NRAP: variants seen among roughly 807,000 people sequenced by gnomAD.
The protein encoded by NRAP is nebulin related anchoring protein, also known as nebulin-related-anchoring protein.
NRAP carries 189 observed loss-of-function variants against 225.9 expected under a neutral mutation model. The observed-to-expected ratio is 0.84, with a 90% CI of 0.74 to 0.94. The LOEUF (loss-of-function observed/expected upper bound fraction) is 0.94, where lower values mean the gene tolerates loss of function less well. Ranked by LOEUF, NRAP falls within the 40% of genes least tolerant of loss-of-function variation. The probability of loss-of-function intolerance (pLI) is 0.00; values close to 1 mark genes in which losing one functional copy is unlikely to be tolerated. For missense variants in NRAP, 2,176 were observed against 2,168.7 expected, an observed-to-expected ratio of 1.00 and a Z score of -0.07; for synonymous variants, 769 against 790.7, an observed-to-expected ratio of 0.97 and a Z score of 0.46.
chr10:113,632,019 G>A (rs936694960), intron 16 of NRAP, 55 bp from the exon 17 acceptor site: 23 of 1,128,936 alleles, frequency 2.0e-5, no homozygotes, highest in African/African-American at 3.1e-5. Flanking sequence ...CCTGCCAAAC[G>A]TCAAAGATTT....
At chr10:113,629,465 T>A in intron 19 of NRAP, 123 bp downstream of exon 19, 1 of 699,778 alleles carries the variant, frequency 1.4e-6, no homozygotes, top group Non-Finnish European at 2.4e-6. Context: ...CCTGGTACAT[T>A]TCCTGCAGTT....
At position 113,663,911 on chromosome 10, in the gene NRAP, T is replaced by C. The variant is rs771434211; in HGVS notation, c.-29A>G. 6.4e-7 allele frequency: 1 copy of C among 1,569,706 alleles called. No homozygotes were observed. The highest frequency in any genetic ancestry group is 1.7e-5 in the Admixed American group (1 of 59,940). ...GAAGCCGGAAGAGAGAGGACAAAGA[T>C]AGGCAACAGGCAAGAAATGCAAGGA... is the stretch of plus-strand genomic sequence containing the variant. On this transcript the variant is annotated 5_prime_UTR_variant, in exon 1 of 42. Coordinates refer to ENST00000359988, the MANE Select transcript of NRAP (RefSeq NM_198060.4).
chr10:113,633,758 T>G (rs1036359702), intron 15 of NRAP, among the ~76,000 whole-genome samples: 8 of 152,188 alleles, frequency 5.3e-5, no homozygotes, highest in African/African-American at 1.7e-4. Context: ...CTTTTAGAGA[T>G]TCATACTGAA....
At chr10:113,628,865 A>C (rs369046103) in intron 20 of NRAP, 52 bp downstream of exon 20, 83 of 934,978 alleles carry the variant, frequency 8.9e-5, no homozygotes, top group Non-Finnish European at 1.2e-4. Flanking sequence ...ATCACCCTGC[A>C]TGTGTCAGGG....
intron 27 of NRAP, 108 bp from the exon 28 acceptor site, chr10:113,615,054 C>A: frequency 1.4e-6 from 1 of 700,444 alleles, no homozygotes; most frequent in East Asian, 2.7e-5. Flanking sequence ...CCTCCCTCCC[C>A]TGGCCAGTTG....
chr10:113,619,846 CT>C (rs1204381732), intron 25 of NRAP, among the ~76,000 whole-genome samples: 1 of 152,152 alleles, frequency 6.6e-6, no homozygotes. Flanking sequence ...GAGCCTTGTC[CT>C]GTGCCTCTCC....
At chr10:113,652,888 G>T in intron 6 of NRAP, 47 bp downstream of exon 6, 1 of 1,346,650 alleles carries the variant, frequency 7.4e-7, no homozygotes, top group Non-Finnish European at 1.1e-6. Context: ...GCTCATTAAT[G>T]ACAAAAATTA....
intron 12 of NRAP, among the ~76,000 whole-genome samples, chr10:113,642,028 A>T (rs567427783): frequency 1.3e-5 from 2 of 152,334 alleles, no homozygotes; most frequent in East Asian, 3.9e-4. Flanking sequence ...CCAAAACAGG[A>T]TGACAAGAGG....
At chr10:113,632,636 C>G (rs1292028689) in intron 16 of NRAP, among the ~76,000 whole-genome samples, 1 of 152,222 alleles carries the variant, frequency 6.6e-6, no homozygotes, top group Non-Finnish European at 1.5e-5. Context: ...CAGGATAGAA[C>G]AGGCATTTAA....
chr10:113,637,156 T>C (rs926819892), intron 14 of NRAP, among the ~76,000 whole-genome samples: 3 of 152,192 alleles, frequency 2.0e-5, no homozygotes, highest in African/African-American at 7.2e-5. Context: ...TAACACCAGC[T>C]CATCATAATT....
At position 113,620,717 on chromosome 10, in the gene NRAP, G is replaced by C; in HGVS notation, c.2770-9C>G. 6.4e-7 allele frequency: 1 copy of C among 1,574,316 alleles called. No individual in the cohort carries two copies. Among genetic ancestry groups the C allele is most frequent in the Non-Finnish European group, 8.7e-7 (1 of 1,155,968 alleles). On this transcript the variant is annotated splice_polypyrimidine_tract_variant and intron_variant, in intron 24 of 41. Coordinates refer to ENST00000359988, the MANE Select transcript of NRAP (RefSeq NM_198060.4). ...TCTGCCCTGTATTGGTTCTGACAAA[G>C]GAGAAAGAAAAAAAAAAAAAGCAGG...
Position 113,631,541 on chromosome 10 carries a change from G to A in NRAP, c.1810C>T (p.His604Tyr), listed in dbSNP as rs776270525. 1.2e-6 allele frequency: 2 copies of A among 1,612,204 alleles called. No individual in the cohort carries two copies. The highest frequency in any genetic ancestry group is 1.7e-6 in the Non-Finnish European group (2 of 1,178,744). ...CTCATCTTAGCAATCTGCAGGGAGTGCAGAAGCCTAGAGTCGGCTGTTCCC... is the reference window on the plus strand; with the variant it reads ...CTCATCTTAGCAATCTGCAGGGAGTACAGAAGCCTAGAGTCGGCTGTTCCC... Reference protein sequence around the residue: ...AMGTADSRLLHSLQIAKMSSE... With the variant: ...AMGTADSRLLYSLQIAKMSSE... Residue 604 changes from histidine to tyrosine, a missense_variant, in exon 18 of 42, where the codon CAC (histidine) becomes TAC (tyrosine). By Grantham distance (83) the His-to-Tyr change is moderately conservative (BLOSUM62 2). Coordinates refer to ENST00000359988, the MANE Select transcript of NRAP (RefSeq NM_198060.4).
intron 20 of NRAP, among the ~76,000 whole-genome samples, chr10:113,628,219 G>A (rs1310988212): frequency 6.6e-6 from 1 of 151,870 alleles, no homozygotes; most frequent in Non-Finnish European, 1.5e-5. Context: ...ACAGAGTATC[G>A]ATCTGTCGCC....
In NRAP at chr10:113,612,284, C is replaced by T. The variant is rs1847378729; in HGVS notation, c.3448G>A (p.Glu1150Lys). ...HPLPQYTSLA[E>K]DLRLSCAKKA... ...TTGGCACAGCTCAGCCTCAGGTCTT[C>T]TGCCAAGGAAGTGTACTGGGGCAGT... is the stretch of plus-strand genomic sequence containing the variant. The change falls in exon 30 of 42, where the codon GAA becomes AAA. Residue 1150 changes from glutamate to lysine, a missense_variant. Coordinates refer to ENST00000359988, the MANE Select transcript of NRAP (RefSeq NM_198060.4). The T allele has an allele frequency of 6.2e-7, 1 of 1,614,198 alleles. No individual in the cohort carries two copies. Among genetic ancestry groups the T allele is most frequent in the African/African-American group, 1.3e-5 (1 of 75,072 alleles).
rs562270261 is a variant in NRAP at position 113,635,925 on chromosome 10, A to G, written c.1429-1715T>C. On this transcript the variant is annotated intron_variant, in intron 14 of 41. Transcript: ENST00000359988. ...GAGCAAACTCAGACATTCCCTGCCCACATAGATATCTCAGATGGGTCCTCA... is the reference window on the plus strand; with the variant it reads ...GAGCAAACTCAGACATTCCCTGCCCGCATAGATATCTCAGATGGGTCCTCA... Among the ~76,000 whole-genome samples the G allele has an allele frequency of 2.0e-5, 3 of 152,288 alleles. No individual in the cohort carries two copies. In the South Asian group the frequency reaches 6.2e-4, roughly 32 times the overall value.
chr10:113,622,519 T>C (rs1592787406), intron 23 of NRAP, among the ~76,000 whole-genome samples: 1 of 152,202 alleles, frequency 6.6e-6, no homozygotes, highest in Admixed American at 6.5e-5. Context: ...CATACATATT[T>C]GGGGGAGTAT....
chr10:113,640,790 C>T (rs1275312146), intron 13 of NRAP, among the ~76,000 whole-genome samples: 1 of 152,112 alleles, frequency 6.6e-6, no homozygotes, highest in African/African-American at 2.4e-5. Context: ...CCTTTACCTC[C>T]AGGATTTACA....
intron 4 of NRAP, among the ~76,000 whole-genome samples, chr10:113,655,801 T>A (rs1850274640): frequency 6.6e-6 from 1 of 152,134 alleles, no homozygotes. Context: ...TCACGATAGC[T>A]TAAAAGGATG....
chr10:113,647,559 CAGTGGTACTGCCTCCCCT>C (rs148494069), intron 9 of NRAP, among the ~76,000 whole-genome samples: 6 of 131,280 alleles, frequency 4.6e-5, no homozygotes, highest in African/African-American at 1.7e-4. Flanking sequence ...CTGTCTCCCC[CAGTGGTACTGCCTCCCCT>C]GGTGGTACTT....
Sources: allele counts gnomAD v4.1 joint callset (sites outside exome capture counted in the v4.1 genomes callset), GRCh38; gene constraint gnomAD v4.1.1; transcripts MANE v1.5; gene names NCBI Gene and HGNC (gene_info 2026-07-23, HGNC 2026-07-21).